TUBE1: variants seen among roughly 807,000 people sequenced by gnomAD.
The protein encoded by TUBE1 is tubulin epsilon chain.
Under a neutral mutation model 53.5 loss-of-function variants are expected in TUBE1, and 34 were observed. That is an observed-to-expected ratio of 0.64 (90% CI 0.48 to 0.85). TUBE1 has a LOEUF of 0.85. TUBE1 is among the 40% of genes least tolerant of loss of function. TUBE1 has a pLI of 0.00. For missense variants in TUBE1, 532 were observed against 570.5 expected, an observed-to-expected ratio of 0.93 and a Z score of 0.69; for synonymous variants, 177 against 198.4, an observed-to-expected ratio of 0.89 and a Z score of 0.91.
At chr6:112,079,895 A>C (rs1221153870) in intron 5 of TUBE1, 141 bp from the exon 6 acceptor site, 2 of 767,408 alleles carry the variant, frequency 2.6e-6, no homozygotes, top group Admixed American at 3.3e-5. Flanking sequence ...GTTTCATGTA[A>C]ATAAATCATA....
rs1777115349 is a variant in TUBE1 at position 112,084,260 on chromosome 6, A to C, written c.153-14T>G. On this transcript the variant is annotated splice_polypyrimidine_tract_variant and intron_variant, in intron 3 of 11. Coordinates refer to ENST00000368662, the MANE Select transcript of TUBE1 (RefSeq NM_016262.5). Reference sequence around the variant, plus strand: ...TCACCAACCACTCTGAAAGATAAAAAAATGAGAAATGGTCATAAGATCTTC... The same window carrying C: ...TCACCAACCACTCTGAAAGATAAAACAATGAGAAATGGTCATAAGATCTTC... 1 of 1,606,652 alleles carries C rather than the reference A, an allele frequency of 6.2e-7. No homozygotes were observed. The highest frequency in any genetic ancestry group is 1.3e-5 in the African/African-American group (1 of 74,678).
Position 112,087,460 on chromosome 6 carries a change from CT to C in TUBE1, c.-27del. ...GGTGGTGCGCCGCCGGCTCCGGGAGCTTGCTAGCCCGCGGCCGCTTCTGCAT... is the reference window on the plus strand; with the variant it reads ...GGTGGTGCGCCGCCGGCTCCGGGAGCTGCTAGCCCGCGGCCGCTTCTGCAT... On this transcript the variant is annotated 5_prime_UTR_variant, in exon 1 of 12. Transcript: ENST00000368662. 2 of 1,548,916 alleles carry C rather than the reference CT, an allele frequency of 1.3e-6. No individual in the cohort carries two copies. The highest frequency in any genetic ancestry group is 1.7e-6 in the Non-Finnish European group (2 of 1,145,708).
Position 112,076,518 on chromosome 6 carries a change from T to G in TUBE1, c.449-9A>C, listed in dbSNP as rs782479487. On this transcript the variant is annotated splice_polypyrimidine_tract_variant and intron_variant, in intron 6 of 11. Transcript: ENST00000368662. ...AAGTCCAGATCCTGTTCCTGAGGAT[T>G]AAAGTGTTTTTAAAAATTAGCATAA... 7.0e-6 allele frequency: 11 copies of G among 1,564,480 alleles called. No homozygotes were observed. Among genetic ancestry groups the G allele is most frequent in the Middle Eastern group, 1.7e-4 (1 of 5,766 alleles).
intron 6 of TUBE1, 57 bp from the exon 7 acceptor site, chr6:112,076,566 A>C: frequency 2.7e-6 from 4 of 1,459,182 alleles, no homozygotes; most frequent in Non-Finnish European, 3.7e-6. Context: ...ATAATTGTGA[A>C]GAATTTGAAA....
At chr6:112,077,261 A>C (rs1776987187) in intron 6 of TUBE1, 2 of 152,198 alleles carry the variant, frequency 1.3e-5, no homozygotes, top group Non-Finnish European at 2.9e-5. Context: ...GCCTACCTCG[A>C]ATTTCAAAAA....
Position 112,076,346 on chromosome 6 carries a change from G to C in TUBE1, c.612C>G (p.Asp204Glu). The change falls in exon 7 of 12, where the codon GAC (aspartate) becomes GAG (glutamate). Residue 204 changes from aspartate (D) to glutamate (E), a missense_variant. Coordinates refer to ENST00000368662, the MANE Select transcript of TUBE1 (RefSeq NM_016262.5). The part of the protein sequence containing the change: ...LAMKELNEHA[D>E]CVLPIDNQSL... The stretch of plus-strand genomic sequence containing the variant: ...CTTGATTGTCAATGGGCAATACACA[G>C]TCTGCATGCTCATTAAGTTCCTTCA... 1 of 1,597,458 alleles carries C rather than the reference G, an allele frequency of 6.3e-7. No homozygotes were observed. Among genetic ancestry groups the C allele is most frequent in the Non-Finnish European group, 8.5e-7 (1 of 1,172,984 alleles).
chr6:112,072,968 A>C, intron 9 of TUBE1, 70 bp from the exon 10 acceptor site: 2 of 1,459,166 alleles, frequency 1.4e-6, no homozygotes, highest in Non-Finnish European at 1.9e-6. Flanking sequence ...TAAAATGAAG[A>C]TAGTCCTCTA....
intron 6 of TUBE1, 182 bp downstream of exon 6, chr6:112,079,451 A>C (rs1330639107): frequency 2.2e-6 from 1 of 460,126 alleles, no homozygotes; most frequent in Admixed American, 4.3e-5. Flanking sequence ...AGAAAAGAAA[A>C]TAGTGACATA....
rs147799112 is a variant in TUBE1 at position 112,076,227 on chromosome 6, G to A, written c.636+95C>T. 8.7e-4 allele frequency: 1,275 copies of A among 1,468,882 alleles called. 4 individuals are homozygous for A. Among genetic ancestry groups the A allele is most frequent in the African/African-American group, 7.4e-3 (525 of 70,758 alleles). The allele number at this position is 1,468,882 out of a possible 1,614,324, so 91.0% of individuals were successfully genotyped here. On this transcript the variant is annotated intron_variant, in intron 7 of 11. Coordinates refer to ENST00000368662, the MANE Select transcript of TUBE1 (RefSeq NM_016262.5). ...AACTGATTTTTTCTCTAAGAAGGCT[G>A]AAAAGTGAAGAGAACGTTTCATATA...
rs782561638 is a variant in TUBE1, at chr6:112,079,732, C to T, written c.349G>A (p.Gly117Ser). 1.2e-5 allele frequency: 19 copies of T among 1,608,572 alleles called. 1 individual carries two copies. The Admixed American group carries it at 1.2e-4, about 10-fold the overall frequency. The change falls in exon 6 of 12, where the codon GGC (glycine) becomes AGC (serine). Residue 117 changes from glycine to serine, a missense_variant. Coordinates refer to ENST00000368662, the MANE Select transcript of TUBE1 (RefSeq NM_016262.5). ...NNWAVGHKVF[G>S]SLYQDQILEK... Reference sequence around the variant, plus strand: ...AAAATCTGGTCTTGGTAAAGACTGCCGAAAACTTTGTGACCCACGGCCCTG... The same window carrying T: ...AAAATCTGGTCTTGGTAAAGACTGCTGAAAACTTTGTGACCCACGGCCCTG...
At chr6:112,083,871 T>C (rs587684868) in intron 4 of TUBE1, 1 of 205,916 alleles carries the variant, frequency 4.9e-6, no homozygotes, top group South Asian at 1.3e-4. Flanking sequence ...AAATAAATCT[T>C]CCAGTATCTT....
At position 112,079,432 on chromosome 6, in the gene TUBE1, A is replaced by G. The variant is rs60012448; in HGVS notation, c.448+201T>C. ...AAGAGGGCTTACATTAAAAAAAAAA[A>G]AAAAGAAAAGAAAAGAAAATAGTGA... On this transcript the variant is annotated intron_variant, in intron 6 of 11. Transcript: ENST00000368662. 242 of 432,550 alleles carry G rather than the reference A, an allele frequency of 5.6e-4. 1 individual carries two copies. The highest frequency in any genetic ancestry group is 3.2e-3 in the African/African-American group (157 of 48,540). 26.8% of individuals were successfully genotyped at this position (432,550 alleles called of 1,614,324 possible).
In TUBE1 at chr6:112,076,385, A is replaced by G. The variant is rs1776968997; in HGVS notation, c.573T>C (p.Asn191=). 6.2e-7 allele frequency: 1 copy of G among 1,612,374 alleles called. No homozygotes were observed. Among genetic ancestry groups the G allele is most frequent in the Non-Finnish European group, 8.5e-7 (1 of 1,179,352 alleles). The stretch of plus-strand genomic sequence containing the variant: ...TAAGTTCCTTCATTGCCAAGATGCT[A>G]TTATAAGGTGAGGTTATGACATCAT... ...GEDDVITSPY[N]SILAMKELNE... is the part of the protein sequence containing the mutation. Residue 191 remains asparagine, a synonymous_variant, in exon 7 of 12, where the codon AAT becomes AAC. Transcript: ENST00000368662.
chr6:112,072,806 A>C lies in TUBE1; in HGVS notation c.1046T>G (p.Met349Arg). 1 of 1,613,518 alleles carries C rather than the reference A, an allele frequency of 6.2e-7. No homozygotes were observed. Among genetic ancestry groups the C allele is most frequent in the East Asian group, 2.2e-5 (1 of 44,868 alleles). Residue 349 changes from methionine to arginine, a missense_variant, in exon 10 of 12, where the codon ATG becomes AGG. Physicochemically the swap from Met to Arg is moderately conservative, Grantham distance 91 (BLOSUM62 -1). Coordinates refer to ENST00000368662, the MANE Select transcript of TUBE1 (RefSeq NM_016262.5). The stretch of plus-strand genomic sequence containing the variant: ...TGAAATTTGTACATTTCCTCTAACC[A>C]TGAGTGCACAGGCGAGGTAAAGACT... Reference protein sequence around the residue: ...KHSLYLACALMVRGNVQISDL... With the variant: ...KHSLYLACALRVRGNVQISDL...
chr6:112,085,080 G>T (rs79760004), intron 3 of TUBE1, among the ~76,000 whole-genome samples: 1 of 152,158 alleles, frequency 6.6e-6, no homozygotes, highest in African/African-American at 2.4e-5. Flanking sequence ...TGGTGCAAAA[G>T]ACTTTATGGT....
At chr6:112,075,291 A>G (rs1357468361) in intron 8 of TUBE1, 2 of 152,316 alleles carry the variant, frequency 1.3e-5, no homozygotes, top group African/African-American at 4.8e-5. Context: ...GGCTCAAGCA[A>G]TCTACCTGCC....
rs1188548263 is a variant in TUBE1, at chr6:112,070,875, G to A, written c.*537C>T. The A allele has an allele frequency of 2.0e-5, 3 of 152,000 alleles. No homozygotes were observed. Among genetic ancestry groups the A allele is most frequent in the African/African-American group, 7.2e-5 (3 of 41,406 alleles). 9.4% of individuals were successfully genotyped at this position (152,000 alleles called of 1,614,324 possible). ...AATACATGTTAAGTGTACAAATTAG[G>A]ATTCTTTTGGGCAAACAAGTTGTTA... On this transcript the variant is annotated 3_prime_UTR_variant, in exon 12 of 12. Transcript: ENST00000368662.
At chr6:112,083,438 C>A (rs1194189883) in intron 4 of TUBE1, among the ~76,000 whole-genome samples, 1 of 151,750 alleles carries the variant, frequency 6.6e-6, no homozygotes, top group East Asian at 1.9e-4. Flanking sequence ...CCTGCCTCAG[C>A]CTCCCGAGCA....
At chr6:112,075,676 C>T (rs868946847) in intron 8 of TUBE1, 2 of 286,006 alleles carry the variant, frequency 7.0e-6, no homozygotes, top group Non-Finnish European at 1.3e-5. Flanking sequence ...ATTTTGTCTA[C>T]GTGTTTTACA....
Sources: gnomAD v4.1 joint callset for allele counts (sites outside exome capture counted in the v4.1 genomes callset) on GRCh38, gnomAD v4.1.1 for gene constraint, MANE v1.5 for transcripts, NCBI Gene and HGNC (gene_info 2026-07-23, HGNC 2026-07-21) for gene names.